The following CCNF variants were observed in gnomAD, a reference collection of about 807,000 sequenced individuals.
The protein encoded by CCNF is cyclin-F.
Under a neutral mutation model 85.4 loss-of-function variants are expected in CCNF, and 30 were observed. That is an observed-to-expected ratio of 0.35 (90% confidence interval 0.26 to 0.48). The LOEUF is 0.48. Among genes scored for constraint, CCNF ranks in the 20% least tolerant of loss-of-function variants. The pLI is 0.99. For missense variants in CCNF, 919 were observed against 1,010.4 expected, an observed-to-expected ratio of 0.91 and a Z score of 1.23; for synonymous variants, 439 against 425.1, an observed-to-expected ratio of 1.03 and a Z score of -0.40.
At chr16:2,437,565 G>T in intron 5 of CCNF, 1 of 463,674 alleles carries the variant, frequency 2.2e-6, no homozygotes, top group Non-Finnish European at 3.9e-6. Flanking sequence ...GAAACATGGG[G>T]CTGAGGCTGC....
In CCNF at chr16:2,441,990, TTTTTGTTTTG is replaced by T. The variant is rs1210309459; in HGVS notation, c.778-1634_778-1625del. Among the ~76,000 whole-genome samples the T allele has an allele frequency of 5.1e-4, 68 of 132,582 alleles. 1 individual carries two copies. Among genetic ancestry groups the T allele is most frequent in the Middle Eastern group, 3.7e-3 (1 of 268 alleles). 87.0% of individuals were successfully genotyped at this position (132,582 alleles called of 152,430 possible). A position where few individuals can be genotyped will look rare whatever the true frequency, so the allele number is the denominator to read the frequency against. ...ATATATATATATATATATGTTTTTG[TTTTTGTTTTG>T]TTTTGTTTTGTTTTGTTTTGTTTTT... On this transcript the variant is annotated intron_variant, in intron 8 of 16. Transcript: ENST00000397066.
chr16:2,445,563 G>T lies in CCNF; in HGVS notation c.1035G>T (p.Arg345Ser). ...GTGTGGACCGGTACCTGCGGAGGAG[G>T]CTGGTGCCGCGGTACAGGCTCCAGC... ...VECVDRYLRR[R>S]LVPRYRLQLL... The change falls in exon 10 of 17, where the codon AGG becomes AGT. Residue 345 changes from arginine (R) to serine (S), a missense_variant. Arg to Ser is a moderately radical substitution (Grantham distance 110, BLOSUM62 -1). Coordinates refer to ENST00000397066, the MANE Select transcript of CCNF (RefSeq NM_001761.3). 1 of 1,613,958 alleles carries T rather than the reference G, an allele frequency of 6.2e-7. No individual in the cohort carries two copies. The highest frequency in any genetic ancestry group is 2.2e-5 in the East Asian group (1 of 44,876).
At chr16:2,444,089 T>C (rs1255792763) in intron 9 of CCNF, among the ~76,000 whole-genome samples, 1 of 151,502 alleles carries the variant, frequency 6.6e-6, no homozygotes, top group Non-Finnish European at 1.5e-5. Context: ...CCGGCTAATT[T>C]TTTGTATTTT....
chr16:2,437,193 C>T lies in CCNF; in HGVS notation c.411C>T (p.Leu137=), dbSNP rs148977637. 9 of 1,612,652 alleles carry T rather than the reference C, an allele frequency of 5.6e-6. No individual in the cohort carries two copies. Among genetic ancestry groups the T allele is most frequent in the Admixed American group, 1.7e-5 (1 of 59,958 alleles). The change falls in exon 5 of 17, where the codon CTC becomes CTT. Residue 137 remains leucine (L), a synonymous_variant. Coordinates refer to ENST00000397066, the MANE Select transcript of CCNF (RefSeq NM_001761.3). ...TGAAGGCCTCTCGCTTCTTCAGTCT[C>T]GCTGAGCGGCTGAATGTGGGTGCCG... ...NGLKASRFFS[L]AERLNVGAAP... is the part of the protein sequence containing the mutation.
intron 5 of CCNF, 63 bp downstream of exon 5, chr16:2,437,385 C>A: frequency 2.3e-6 from 3 of 1,304,216 alleles, no homozygotes; most frequent in Admixed American, 2.4e-5. Context: ...CACAGGAAGA[C>A]CCCGAGGGTA....
chr16:2,445,648 G>T, intron 10 of CCNF, 26 bp downstream of exon 10: 1 of 1,603,874 alleles, frequency 6.2e-7, no homozygotes, highest in Non-Finnish European at 8.5e-7. Flanking sequence ...GGCCCAGCTG[G>T]CAGGGACGTG....
chr16:2,441,715 C>T (rs867490436), intron 8 of CCNF, among the ~76,000 whole-genome samples: 5 of 151,532 alleles, frequency 3.3e-5, no homozygotes, highest in Non-Finnish European at 5.9e-5. Context: ...TGGGGTTTCA[C>T]CATGTTGGCC....
chr16:2,452,908 A>G lies in CCNF; in HGVS notation c.1488-302A>G. 1 of 437,106 alleles carries G rather than the reference A, an allele frequency of 2.3e-6. No homozygotes were observed. The highest frequency in any genetic ancestry group is 2.6e-5 in the South Asian group (1 of 38,176). 27.1% of individuals were successfully genotyped at this position (437,106 alleles called of 1,614,324 possible). Reference sequence around the variant, plus strand: ...TCATGGCTGAATAATATTCCCCTGCATGGACCACATGTGTTTATCCATCCC... The same window carrying G: ...TCATGGCTGAATAATATTCCCCTGCGTGGACCACATGTGTTTATCCATCCC... On this transcript the variant is annotated intron_variant, in intron 13 of 16. Transcript: ENST00000397066. The surrounding 1 kb of genome is among the most constrained non-coding windows in gnomAD (Gnocchi z 4.1).
Position 2,453,603 on chromosome 16 carries a change from C to T in CCNF, c.1715+66C>T, listed in dbSNP as rs181898681. The T allele has an allele frequency of 5.0e-6, 8 of 1,598,830 alleles. No individual in the cohort carries two copies. The East Asian group carries it at 1.8e-4, about 36-fold the overall frequency. On this transcript the variant is annotated intron_variant, in intron 15 of 16. Transcript: ENST00000397066. The surrounding 1 kb of genome is among the most constrained non-coding windows in gnomAD (Gnocchi z 5.6). ...CATCCTCGTGCCGGCCCAGTTCCCT[C>T]AGCGCTTCCTCACACAGAGAGGCCC...
chr16:2,449,042 G>GGGGGGGGGGGGCC, intron 11 of CCNF, 64 bp downstream of exon 11: 1 of 683,616 alleles, frequency 1.5e-6, no homozygotes, highest in Non-Finnish European at 2.7e-6. Context: ...GTGGGGGTGG[G>GGGGGGGGGGGGCC]CATTCAGCTT....
chr16:2,445,576 T>C lies in CCNF; in HGVS notation c.1048T>C (p.Tyr350His), dbSNP rs1596924480. 1.9e-6 allele frequency: 3 copies of C among 1,613,654 alleles called. No homozygotes were observed. The highest frequency in any genetic ancestry group is 2.5e-6 in the Non-Finnish European group (3 of 1,180,026). ...CCTGCGGAGGAGGCTGGTGCCGCGGTACAGGCTCCAGCTGCTGGGCATCGC... is the reference window on the plus strand; with the variant it reads ...CCTGCGGAGGAGGCTGGTGCCGCGGCACAGGCTCCAGCTGCTGGGCATCGC... Reference protein sequence around the residue: ...RYLRRRLVPRYRLQLLGIACM... With the variant: ...RYLRRRLVPRHRLQLLGIACM... The change falls in exon 10 of 17, where the codon TAC becomes CAC. Residue 350 changes from tyrosine (Y) to histidine (H), a missense_variant. Tyr to His is a moderately conservative substitution (Grantham distance 83). Coordinates refer to ENST00000397066, the MANE Select transcript of CCNF (RefSeq NM_001761.3).
intron 9 of CCNF, 60 bp from the exon 10 acceptor site, chr16:2,445,398 C>A: frequency 6.3e-7 from 1 of 1,581,090 alleles, no homozygotes; most frequent in Non-Finnish European, 8.7e-7. Context: ...GGGTTGAAAT[C>A]GCAGACAGGG....
intron 8 of CCNF, 44 bp downstream of exon 8, chr16:2,439,870 C>T (rs758746222): frequency 1.2e-5 from 19 of 1,547,814 alleles, no homozygotes; most frequent in South Asian, 4.5e-5. Flanking sequence ...GGCCTTTCTC[C>T]CTCCAGCCTT....
intron 11 of CCNF, 64 bp downstream of exon 11, chr16:2,449,042 G>GGGGGGGGGGGGGGGCCCC: frequency 1.5e-6 from 1 of 683,608 alleles, no homozygotes; most frequent in Non-Finnish European, 2.7e-6. Flanking sequence ...GTGGGGGTGG[G>GGGGGGGGGGGGGGGCCCC]CATTCAGCTT....
chr16:2,432,055 C>T lies in CCNF; in HGVS notation c.171+771C>T, dbSNP rs530658883. Among the ~76,000 whole-genome samples the T allele has an allele frequency of 1.3e-3, 196 of 152,170 alleles. 2 individuals carry two copies. The highest frequency in any genetic ancestry group is 4.6e-3 in the African/African-American group (190 of 41,534). Reference sequence around the variant, plus strand: ...CTGTGTTAGCCAGGATGGTCTCTATCTCTTGACCTCGTGATCCGCCCGCCT... The same window carrying T: ...CTGTGTTAGCCAGGATGGTCTCTATTTCTTGACCTCGTGATCCGCCCGCCT... On this transcript the variant is annotated intron_variant, in intron 2 of 16. Transcript: ENST00000397066.
Position 2,453,775 on chromosome 16 carries a change from C to A in CCNF, c.1715+238C>A, listed in dbSNP as rs538602237. Among the ~76,000 whole-genome samples the A allele has an allele frequency of 1.0e-3, 154 of 151,970 alleles. No individual in the cohort carries two copies. Among genetic ancestry groups the A allele is most frequent in the Non-Finnish European group, 1.8e-3 (121 of 68,028 alleles). On this transcript the variant is annotated intron_variant, in intron 15 of 16. Transcript: ENST00000397066. The surrounding 1 kb of genome is among the most constrained non-coding windows in gnomAD (Gnocchi z 5.6). ...GCTATTGCCTCTCGCTCTGACTGGG[C>A]TCCCTGTGGAGGAAGATGGTTTCGA... is the stretch of plus-strand genomic sequence containing the variant.
chr16:2,434,353 G>A (rs1394190618), intron 3 of CCNF, among the ~76,000 whole-genome samples: 3 of 150,460 alleles, frequency 2.0e-5, no homozygotes, highest in Admixed American at 6.6e-5. Context: ...AGTGGCTCAC[G>A]CCTGTAATCC....
intron 2 of CCNF, among the ~76,000 whole-genome samples, chr16:2,432,121 C>T (rs145848123): frequency 9.4e-4 from 143 of 152,298 alleles, no homozygotes; most frequent in Non-Finnish European, 1.8e-3. Context: ...TGAGCCACTG[C>T]ACCCGGCTGA....
At chr16:2,436,139 G>C in intron 4 of CCNF, 1 of 378,358 alleles carries the variant, frequency 2.6e-6, no homozygotes, top group Admixed American at 4.3e-5. Context: ...CTGAGCCAGA[G>C]CCTCAGCACG....
Sources: gnomAD v4.1 joint callset for allele counts (sites outside exome capture counted in the v4.1 genomes callset) on GRCh38, gnomAD v4.1.1 for gene constraint, Gnocchi (gnomAD v3.1) non-coding constraint, MANE v1.5 for transcripts, NCBI Gene and HGNC (gene_info 2026-07-23, HGNC 2026-07-21) for gene names.